UBXN2A: variants seen among roughly 807,000 people sequenced by gnomAD.
UBXN2A encodes UBX domain-containing protein 2A.
A neutral mutation model predicts 28.4 loss-of-function variants in UBXN2A; 28 were observed. That is an observed-to-expected ratio of 0.99 (90% CI 0.73 to 1.35). UBXN2A has a LOEUF of 1.35. Ranked by LOEUF, UBXN2A falls within the 40% of genes most tolerant of loss-of-function variation. The pLI is 0.00. For synonymous variants in UBXN2A, 97 were observed against 103.6 expected, an observed-to-expected ratio of 0.94 and a Z score of 0.39; for missense variants, 253 against 297.9, an observed-to-expected ratio of 0.85 and a Z score of 1.11.
At chr2:23,977,188 C>T in intron 4 of UBXN2A, 113 bp downstream of exon 4, 1 of 726,646 alleles carries the variant, frequency 1.4e-6, no homozygotes, top group Non-Finnish European at 2.3e-6. Flanking sequence ...CATAGCCAGA[C>T]CTCATCTCTA....
At chr2:23,969,508 G>C (rs945001090) in intron 2 of UBXN2A, among the ~76,000 whole-genome samples, 3 of 152,156 alleles carry the variant, frequency 2.0e-5, no homozygotes, top group African/African-American at 7.2e-5. Context: ...GAGTACAGGA[G>C]CGTACCATCA....
chr2:23,951,363 T>C (rs1236722529), intron 1 of UBXN2A, among the ~76,000 whole-genome samples: 5 of 147,770 alleles, frequency 3.4e-5, no homozygotes, highest in African/African-American at 1.3e-4. Context: ...GTATACACTT[T>C]AGTTATTTTT....
At chr2:23,955,393 G>C (rs758682395) in intron 1 of UBXN2A, among the ~76,000 whole-genome samples, 1 of 152,132 alleles carries the variant, frequency 6.6e-6, no homozygotes, top group Non-Finnish European at 1.5e-5. Flanking sequence ...GGACCTACCT[G>C]TTCTTCCATT....
At chr2:23,942,587 T>G (rs1705821942) in intron 1 of UBXN2A, among the ~76,000 whole-genome samples, 1 of 151,418 alleles carries the variant, frequency 6.6e-6, no homozygotes, top group Non-Finnish European at 1.5e-5. Flanking sequence ...CCCGGCTAAT[T>G]TTTGTATTTT....
At position 24,003,134 on chromosome 2, in the gene UBXN2A, C is replaced by A. The variant is rs889358964; in HGVS notation, c.*3267C>A. 6.6e-6 allele frequency: 1 copy of A among 152,166 alleles called. No homozygotes were observed. The highest frequency in any genetic ancestry group is 1.5e-5 in the Non-Finnish European group (1 of 68,020). The allele number at this position is 152,166 out of a possible 1,614,324, so 9.4% of individuals were successfully genotyped here. On this transcript the variant is annotated 3_prime_UTR_variant, in exon 7 of 7. Transcript: ENST00000309033. Reference sequence around the variant, plus strand: ...ACTGTATCTGTGATGGGTCTCAGATCTCTGCATTTTTAATCTCACGTGATT... The same window carrying A: ...ACTGTATCTGTGATGGGTCTCAGATATCTGCATTTTTAATCTCACGTGATT...
intron 2 of UBXN2A, among the ~76,000 whole-genome samples, chr2:23,963,637 CAA>C: frequency 6.6e-6 from 1 of 152,068 alleles, no homozygotes; most frequent in East Asian, 1.9e-4. Context: ...TGTCAAAAAA[CAA>C]AAGAGCTAGT....
At chr2:23,942,588 T>C (rs554542433) in intron 1 of UBXN2A, among the ~76,000 whole-genome samples, 91 of 151,716 alleles carry the variant, frequency 6.0e-4, no homozygotes, top group Non-Finnish European at 1.1e-3. Flanking sequence ...CCGGCTAATT[T>C]TTGTATTTTT....
intron 5 of UBXN2A, 56 bp downstream of exon 5, chr2:23,983,089 C>CT (rs754116739): frequency 6.9e-7 from 1 of 1,458,674 alleles, no homozygotes; most frequent in Non-Finnish European, 9.1e-7. Context: ...AATATTCTGT[C>CT]TATCAGTATT....
At chr2:23,944,811 A>G (rs1437332659) in intron 1 of UBXN2A, among the ~76,000 whole-genome samples, 1 of 152,120 alleles carries the variant, frequency 6.6e-6, no homozygotes, top group Non-Finnish European at 1.5e-5. Context: ...GGCCATTAAC[A>G]CCTACGCAGT....
chr2:23,997,040 G>C (rs895716489), intron 6 of UBXN2A: 29 of 152,262 alleles, frequency 1.9e-4, no homozygotes, highest in African/African-American at 6.3e-4. Flanking sequence ...TCCCACCTCA[G>C]CTTCCCAAGT....
intron 1 of UBXN2A, among the ~76,000 whole-genome samples, chr2:23,945,015 A>AT (rs1344034018): frequency 6.6e-6 from 1 of 152,118 alleles, no homozygotes; most frequent in African/African-American, 2.4e-5. Context: ...AAGCCTCTTA[A>AT]TTTTTTGCTT....
intron 6 of UBXN2A, among the ~76,000 whole-genome samples, chr2:23,989,573 A>G (rs1260538448): frequency 6.6e-6 from 1 of 151,660 alleles, no homozygotes; most frequent in Non-Finnish European, 1.5e-5. Context: ...ATTTTTATAT[A>G]TCAAAAACCG....
intron 2 of UBXN2A, among the ~76,000 whole-genome samples, chr2:23,964,694 T>C (rs1450421485): frequency 6.6e-6 from 1 of 152,232 alleles, no homozygotes; most frequent in Non-Finnish European, 1.5e-5. Context: ...ATAGTACCTA[T>C]AGTTAACCAC....
intron 6 of UBXN2A, among the ~76,000 whole-genome samples, chr2:23,994,859 T>C (rs1015424812): frequency 2.0e-5 from 3 of 152,222 alleles, no homozygotes; most frequent in Non-Finnish European, 2.9e-5. Context: ...GGATTGACTG[T>C]AGACTTTACT....
At chr2:23,993,961 G>A (rs998919719) in intron 6 of UBXN2A, among the ~76,000 whole-genome samples, 1 of 152,062 alleles carries the variant, frequency 6.6e-6, no homozygotes, top group African/African-American at 2.4e-5. Context: ...TGGGATTACA[G>A]GCGTGAGTCA....
upstream of UBXN2A, among the ~76,000 whole-genome samples, chr2:23,935,859 G>C (rs1259447154): frequency 6.6e-6 from 1 of 152,088 alleles, no homozygotes; most frequent in Admixed American, 6.6e-5. Context: ...AGACCAGCCT[G>C]GTCAACATGG....
chr2:23,975,412 AC>A (rs1055559446), intron 3 of UBXN2A, among the ~76,000 whole-genome samples: 5 of 152,304 alleles, frequency 3.3e-5, no homozygotes, highest in South Asian at 2.1e-4. Context: ...ATTAAAAAAA[AC>A]ATTTCAATCA....
chr2:23,961,688 T>TAC (rs1215604993), intron 2 of UBXN2A, among the ~76,000 whole-genome samples: 33 of 136,166 alleles, frequency 2.4e-4, no homozygotes, highest in Middle Eastern at 5.0e-3. Context: ...GCTGGGACTG[T>TAC]AGGTGCACAC....
At chr2:23,987,639 G>A (rs186540333) in intron 6 of UBXN2A, among the ~76,000 whole-genome samples, 18 of 151,892 alleles carry the variant, frequency 1.2e-4, no homozygotes, top group African/African-American at 2.9e-4. Flanking sequence ...TTAGCCGGGC[G>A]TGGTGGCAAG....
Sources: gnomAD v4.1 joint callset for allele counts (sites outside exome capture counted in the v4.1 genomes callset) on GRCh38, gnomAD v4.1.1 for gene constraint, MANE v1.5 for transcripts, NCBI Gene and HGNC (gene_info 2026-07-23, HGNC 2026-07-21) for gene names.